Variants in RABL6 observed in about 807,000 individuals in gnomAD.
The protein encoded by RABL6 is rab-like protein 6.
In RABL6, 28 loss-of-function variants were observed where a neutral mutation model predicts 72.9. The ratio of observed to expected loss-of-function variants is 0.38; its 90% CI spans 0.28 to 0.53. RABL6 has a LOEUF of 0.53. Among genes scored for constraint, RABL6 ranks in the 20% least tolerant of loss-of-function variants. The pLI is 0.80. For synonymous variants in RABL6, 477 were observed against 421.2 expected, an observed-to-expected ratio of 1.13 and a Z score of -1.62; for missense variants, 1,029 against 1,008.4, an observed-to-expected ratio of 1.02 and a Z score of -0.28.
chr9:136,827,576 G>A (rs767161116), intron 3 of RABL6: 1 of 152,432 alleles, frequency 6.6e-6, no homozygotes, highest in Admixed American at 6.5e-5. Context: ...ACAGCCAGCA[G>A]TGCTGTGCTG....
intron 6 of RABL6, 111 bp from the exon 7 acceptor site, chr9:136,832,154 G>A (rs1848490182): frequency 9.3e-7 from 1 of 1,070,008 alleles, no homozygotes; most frequent in Admixed American, 2.1e-5. Flanking sequence ...GGCCTCAGGA[G>A]CCTGCAGGAG....
At chr9:136,809,892 T>C (rs964298252) in intron 1 of RABL6, 1 of 156,512 alleles carries the variant, frequency 6.4e-6, no homozygotes, top group Non-Finnish European at 1.5e-5. Context: ...TCAGGACTCC[T>C]CTGTCCAGGA....
rs1848676326 is a variant in RABL6 at position 136,840,568 on chromosome 9, A to G, written c.*46A>G. The G allele has an allele frequency of 1.3e-6, 2 of 1,548,120 alleles. No homozygotes were observed. Among genetic ancestry groups the G allele is most frequent in the Admixed American group, 2.0e-5 (1 of 50,936 alleles). ...CCCTGGGGCGGGGGGCGTGCCTGTC[A>G]CTGCCTGGGGAGGCATTTGCCTCTG... On this transcript the variant is annotated 3_prime_UTR_variant, in exon 15 of 15. Transcript: ENST00000311502.
chr9:136,813,326 T>C (rs1848052560), intron 1 of RABL6: 3 of 699,876 alleles, frequency 4.3e-6, no homozygotes, highest in Non-Finnish European at 7.7e-6. Context: ...TGGGGCACTT[T>C]GATAAAAGTT....
chr9:136,821,284 C>G, intron 1 of RABL6: 1 of 971,886 alleles, frequency 1.0e-6, no homozygotes, highest in Non-Finnish European at 1.2e-6. Context: ...GGAAAACGGG[C>G]GGTCGCTGTG....
chr9:136,821,559 G>A lies in RABL6; in HGVS notation c.131-1966G>A, dbSNP rs11145897. The stretch of plus-strand genomic sequence containing the variant: ...TGCGAGCCCGGGCTGCTGCTCATCT[G>A]GGGGGGACGGCGGCCGCCCGACTGA... On this transcript the variant is annotated intron_variant, in intron 1 of 14. Transcript: ENST00000311502. 4 of 985,176 alleles carry A rather than the reference G, an allele frequency of 4.1e-6. No homozygotes were observed. In the African/African-American group the frequency reaches 5.2e-5, roughly 13 times the overall value. The allele number at this position is 985,176 out of a possible 1,614,324, so 61.0% of individuals were successfully genotyped here. A position where few individuals can be genotyped will look rare whatever the true frequency, so the allele number is the denominator to read the frequency against.
intron 7 of RABL6, chr9:136,833,613 C>T (rs1226532440): frequency 6.7e-7 from 1 of 1,482,846 alleles, no homozygotes; most frequent in African/African-American, 1.4e-5. Context: ...CCTGGGCTGC[C>T]CCAGCTGGGT....
At chr9:136,819,194 C>T (rs961157426) in intron 1 of RABL6, among the ~76,000 whole-genome samples, 2 of 151,688 alleles carry the variant, frequency 1.3e-5, no homozygotes, top group African/African-American at 4.8e-5. Flanking sequence ...TGGTGGCGGG[C>T]GCCTGTAGTC....
chr9:136,816,490 G>A (rs1848121750), intron 1 of RABL6, among the ~76,000 whole-genome samples: 1 of 151,946 alleles, frequency 6.6e-6, no homozygotes, highest in Non-Finnish European at 1.5e-5. Flanking sequence ...CGAGGTTGGT[G>A]GATCACTTGA....
intron 7 of RABL6, 81 bp downstream of exon 7, chr9:136,832,451 C>T (rs1848497315): frequency 8.9e-7 from 1 of 1,128,212 alleles, no homozygotes; most frequent in South Asian, 1.2e-5. Flanking sequence ...AACGGGTCTC[C>T]CTCCTAACCC....
chr9:136,821,342 A>G (rs1013880979), intron 1 of RABL6: 1 of 985,050 alleles, frequency 1.0e-6, no homozygotes, highest in African/African-American at 1.7e-5. Flanking sequence ...CCCGGGAAAG[A>G]CCCGGAGACG....
intron 1 of RABL6, among the ~76,000 whole-genome samples, chr9:136,818,525 C>T (rs1279527235): frequency 4.6e-5 from 7 of 151,556 alleles, no homozygotes; most frequent in East Asian, 3.9e-4. Context: ...GGGTGGATCA[C>T]GAGGTCAGGA....
At chr9:136,830,513 G>A (rs1848450220) in intron 5 of RABL6, among the ~76,000 whole-genome samples, 1 of 152,278 alleles carries the variant, frequency 6.6e-6, no homozygotes, top group Non-Finnish European at 1.5e-5. Flanking sequence ...CAGGGCACGA[G>A]TTCAGCTCGG....
Position 136,811,617 on chromosome 9 carries a change from C to CAA in RABL6, c.130+3307_130+3308dup, listed in dbSNP as rs775818394. On this transcript the variant is annotated intron_variant, in intron 1 of 14. Transcript: ENST00000311502. ...TGGGTGACAGAGTCAGACCCTGTCT[C>CAA]AAAAAAAAAAAAAAAAACAATTGCA... is the stretch of plus-strand genomic sequence containing the variant. Among the ~76,000 whole-genome samples the CAA allele has an allele frequency of 4.4e-3, 462 of 104,440 alleles. 6 individuals carry two copies. Among genetic ancestry groups the CAA allele is most frequent in the African/African-American group, 0.013 (356 of 27,658 alleles). The allele number at this position is 104,440 out of a possible 152,430, so 68.5% of individuals were successfully genotyped here.
rs754537529 is a variant in RABL6 at position 136,840,552 on chromosome 9, G to T, written c.*30G>T. On this transcript the variant is annotated 3_prime_UTR_variant, in exon 15 of 15. Coordinates refer to ENST00000311502, the MANE Select transcript of RABL6 (RefSeq NM_024718.5). ...GCGTGGGCAGTGGCCGCCCTGGGGC[G>T]GGGGGCGTGCCTGTCACTGCCTGGG... 4 of 1,546,308 alleles carry T rather than the reference G, an allele frequency of 2.6e-6. No homozygotes were observed. The Admixed American group carries it at 5.9e-5, about 23-fold the overall frequency.
intron 2 of RABL6, among the ~76,000 whole-genome samples, chr9:136,825,134 G>C (rs1356791670): frequency 2.0e-5 from 3 of 152,230 alleles, no homozygotes; most frequent in Admixed American, 6.5e-5. Flanking sequence ...GCCCAGCTGC[G>C]ATGGTGCGGT....
intron 1 of RABL6, chr9:136,822,001 A>C (rs549066226): frequency 7.8e-7 from 1 of 1,289,574 alleles, no homozygotes; most frequent in Non-Finnish European, 1.0e-6. Flanking sequence ...TGAGGTACCT[A>C]GGATGGGCGA....
chr9:136,826,416 G>GGCCACGT lies in RABL6; in HGVS notation c.313+593_313+599dup, dbSNP rs1467907619. 6.6e-6 allele frequency among the ~76,000 whole-genome samples: 1 copy of GGCCACGT among 152,202 alleles called. No individual in the cohort carries two copies. The highest frequency in any genetic ancestry group is 1.5e-5 in the Non-Finnish European group (1 of 68,024). Reference sequence around the variant, plus strand: ...GTGCATGTGTGGTGTGTGCAGGGCTGGCCACGTGCACGCCCCGGCCTCACA... The same window carrying GGCCACGT: ...GTGCATGTGTGGTGTGTGCAGGGCTGGCCACGTGCCACGTGCACGCCCCGGCCTCACA... On this transcript the variant is annotated intron_variant, in intron 3 of 14. Coordinates refer to ENST00000311502, the MANE Select transcript of RABL6 (RefSeq NM_024718.5). This position sits in a 1 kb window ranked among gnomAD's most constrained non-coding sequence, Gnocchi z 4.9.
At chr9:136,837,278 C>A (rs566216442) in intron 8 of RABL6, 68 bp from the exon 9 acceptor site, 43 of 1,492,390 alleles carry the variant, frequency 2.9e-5, no homozygotes, top group African/African-American at 4.2e-5. Context: ...GCAGAGAGCC[C>A]CCTGTCACCT....
Sources: gnomAD v4.1 joint callset for allele counts (sites outside exome capture counted in the v4.1 genomes callset) on GRCh38, gnomAD v4.1.1 for gene constraint, Gnocchi (gnomAD v3.1) non-coding constraint, MANE v1.5 for transcripts, NCBI Gene and HGNC (gene_info 2026-07-23, HGNC 2026-07-21) for gene names.